Variants in ANGPTL6 observed in about 807,000 individuals in gnomAD.
The protein encoded by ANGPTL6 is angiopoietin like 6.
ANGPTL6 carries 45 observed loss-of-function variants against 47.4 expected under a neutral mutation model. The ratio of observed to expected loss-of-function variants is 0.95; its 90% CI spans 0.75 to 1.22. The LOEUF (loss-of-function observed/expected upper bound fraction) is 1.22. Among genes scored for constraint, ANGPTL6 ranks in the 50% most tolerant of loss-of-function variants. The pLI is 0.00. For missense variants in ANGPTL6, 698 were observed against 669.4 expected (o/e 1.04, Z -0.47); for synonymous variants, 290 against 295.9 (o/e 0.98, Z 0.20).
chr19:10,105,168 G>GA (rs2088787063), upstream of ANGPTL6, among the ~76,000 whole-genome samples: 1 of 152,242 alleles, frequency 6.6e-6, no homozygotes, highest in African/African-American at 2.4e-5. Context: ...GTTGAAAAAG[G>GA]AAATGGTCGT....
chr19:10,093,012 T>A, intron 5 of ANGPTL6: 1 of 490,406 alleles, frequency 2.0e-6, no homozygotes, highest in African/African-American at 1.9e-5. Flanking sequence ...GTCACATCTT[T>A]CCCACCTTTT....
chr19:10,092,825 C>G, intron 5 of ANGPTL6, 46 bp from the exon 6 acceptor site: 1 of 1,491,614 alleles, frequency 6.7e-7, no homozygotes, highest in Non-Finnish European at 9.0e-7. Flanking sequence ...GAATAAAAGC[C>G]TCTACCTGCA....
Position 10,092,461 on chromosome 19 carries a change from T to C in ANGPTL6, c.*128A>G. 1 of 1,519,086 alleles carries C rather than the reference T, an allele frequency of 6.6e-7. No homozygotes were observed. The highest frequency in any genetic ancestry group is 8.9e-7 in the Non-Finnish European group (1 of 1,127,126). The allele number at this position is 1,519,086 out of a possible 1,614,324, so 94.1% of individuals were successfully genotyped here. On this transcript the variant is annotated 3_prime_UTR_variant, in exon 6 of 6. Transcript: ENST00000253109. ...TGGGTCCCATTTTCAGCGCCCAGGG[T>C]CACAGATCCACAGTGGGAAGTTCTG...
chr19:10,093,305 T>C (rs768388090), intron 5 of ANGPTL6, 44 bp downstream of exon 5: 5 of 1,581,902 alleles, frequency 3.2e-6, no homozygotes, highest in South Asian at 1.1e-5. Context: ...AGAACAGGAG[T>C]CCCGCCTCCC....
chr19:10,094,998 C>G, intron 2 of ANGPTL6, 60 bp from the exon 3 acceptor site: 1 of 1,464,906 alleles, frequency 6.8e-7, no homozygotes. Context: ...GAGGCCTGGT[C>G]TCAGGGGCAG....
At position 10,096,402 on chromosome 19, in the gene ANGPTL6, G is replaced by C. The variant is rs572134737; in HGVS notation, c.162C>G (p.Pro54=). Reference sequence around the variant, plus strand: ...CCAGCTCGCTGGCGTTGGCGGCCTCGGGCGTCGCCCGCGTGGATGCGGGGC... The same window carrying C: ...CCAGCTCGCTGGCGTTGGCGGCCTCCGGCGTCGCCCGCGTGGATGCGGGGC... The part of the protein sequence containing the change: ...WSGPASTRAT[P]EAANASELAA... Residue 54 remains proline, a synonymous_variant, in exon 2 of 6, where the codon CCC becomes CCG. Transcript: ENST00000253109. The C allele has an allele frequency of 1.5e-6, 2 of 1,307,588 alleles. No individual in the cohort carries two copies. Among genetic ancestry groups the C allele is most frequent in the East Asian group, 3.1e-5 (1 of 32,158 alleles). The allele number at this position is 1,307,588 out of a possible 1,614,324, so 81.0% of individuals were successfully genotyped here.
chr19:10,101,827 C>T (rs1342823826), intron 1 of ANGPTL6, among the ~76,000 whole-genome samples: 1 of 124,074 alleles, frequency 8.1e-6, no homozygotes, highest in East Asian at 2.3e-4. Context: ...AAAAAAAAGG[C>T]CAGGTGCGGT....
intron 2 of ANGPTL6, 150 bp downstream of exon 2, chr19:10,095,832 C>T (rs1416180447): frequency 2.3e-6 from 1 of 442,578 alleles, no homozygotes; most frequent in East Asian, 3.5e-5. Context: ...CCACCAGTCA[C>T]TTTTTGACCC....
chr19:10,097,477 A>G (rs1599288903), intron 1 of ANGPTL6, among the ~76,000 whole-genome samples: 1 of 152,156 alleles, frequency 6.6e-6, no homozygotes, highest in South Asian at 2.1e-4. Flanking sequence ...ACAGACAAAA[A>G]TCCCTCCCCT....
chr19:10,096,931 CAA>C (rs59730305), intron 1 of ANGPTL6, among the ~76,000 whole-genome samples: 11,878 of 118,764 alleles, frequency 0.1, 466 homozygotes, highest in Non-Finnish European at 0.11. Context: ...CCTGTCTCTA[CAA>C]AAAAAAAAAA....
chr19:10,097,041 G>A (rs1213890720), intron 1 of ANGPTL6, among the ~76,000 whole-genome samples: 2 of 152,030 alleles, frequency 1.3e-5, no homozygotes, highest in Non-Finnish European at 2.9e-5. Context: ...CAAGGCTTCA[G>A]TGAGCCATGA....
In ANGPTL6 at chr19:10,092,502, C is replaced by T; in HGVS notation, c.*87G>A. The T allele has an allele frequency of 6.6e-7, 1 of 1,526,414 alleles. No homozygotes were observed. Among genetic ancestry groups the T allele is most frequent in the Non-Finnish European group, 8.8e-7 (1 of 1,130,552 alleles). The allele number at this position is 1,526,414 out of a possible 1,614,324, so 94.6% of individuals were successfully genotyped here. A position where few individuals can be genotyped will look rare whatever the true frequency, so the allele number is the denominator to read the frequency against. On this transcript the variant is annotated 3_prime_UTR_variant, in exon 6 of 6. Transcript: ENST00000253109. ...GGAAGTTCTGTGGGACACATTGGCACTGAGCCACAAAGAAGGTGTGGCCAG... is the reference window on the plus strand; with the variant it reads ...GGAAGTTCTGTGGGACACATTGGCATTGAGCCACAAAGAAGGTGTGGCCAG...
Position 10,093,335 on chromosome 19 carries a change from G to C in ANGPTL6, c.1222+14C>G. On this transcript the variant is annotated intron_variant, in intron 5 of 5. Transcript: ENST00000253109. ...CCTCCCCTATCCTCTCACCAGAATA[G>C]GAGTTCTCCTTACCAGAATAGGAGT... 1 of 1,606,500 alleles carries C rather than the reference G, an allele frequency of 6.2e-7. No homozygotes were observed. The highest frequency in any genetic ancestry group is 1.1e-5 in the South Asian group (1 of 90,814).
intron 5 of ANGPTL6, 110 bp from the exon 6 acceptor site, chr19:10,092,889 G>T: frequency 1.1e-6 from 1 of 908,222 alleles, no homozygotes; most frequent in East Asian, 2.9e-5. Flanking sequence ...CATTCTTATT[G>T]AATACAAGCC....
At chr19:10,096,667 G>C (rs2088553836) in intron 1 of ANGPTL6, 94 bp from the exon 2 acceptor site, 2 of 982,202 alleles carry the variant, frequency 2.0e-6, no homozygotes, top group Non-Finnish European at 2.8e-6. Context: ...CTACACCCGC[G>C]ATGTCCCGGG....
rs994027468 is a variant in ANGPTL6 at position 10,093,065 on chromosome 19, A to G, written c.1222+284T>C. On this transcript the variant is annotated intron_variant, in intron 5 of 5. Coordinates refer to ENST00000253109, the MANE Select transcript of ANGPTL6 (RefSeq NM_031917.3). ...ACCGTTCATTCCTTTATCAAAGAAAAGTATCTACTTCCTTTCTAGAATAAG... is the reference window on the plus strand; with the variant it reads ...ACCGTTCATTCCTTTATCAAAGAAAGGTATCTACTTCCTTTCTAGAATAAG... 22 of 490,238 alleles carry G rather than the reference A, an allele frequency of 4.5e-5. No individual in the cohort carries two copies. The South Asian group carries it at 9.4e-4, about 21-fold the overall frequency. The allele number at this position is 490,238 out of a possible 1,614,324, so 30.4% of individuals were successfully genotyped here. A position where few individuals can be genotyped will look rare whatever the true frequency, so the allele number is the denominator to read the frequency against.
chr19:10,099,889 CTT>C (rs1250522413), intron 1 of ANGPTL6, among the ~76,000 whole-genome samples: 8 of 137,022 alleles, frequency 5.8e-5, no homozygotes, highest in South Asian at 4.7e-4. Flanking sequence ...CCCACGCCCT[CTT>C]TTTTTTTTTT....
chr19:10,103,103 G>C (rs2088722024), upstream of ANGPTL6, among the ~76,000 whole-genome samples: 1 of 151,794 alleles, frequency 6.6e-6, no homozygotes, highest in Non-Finnish European at 1.5e-5. Flanking sequence ...TTTACAGCAG[G>C]GAAAACTGAG....
At position 10,093,752 on chromosome 19, in the gene ANGPTL6, C is replaced by T; in HGVS notation, c.892G>A (p.Val298Met). 6.2e-7 allele frequency: 1 copy of T among 1,614,274 alleles called. No homozygotes were observed. Among genetic ancestry groups the T allele is most frequent in the Non-Finnish European group, 8.5e-7 (1 of 1,180,048 alleles). ...GAACCATCTTGCCTCCGCTGGATCA[C>T]AGTCCAGCCTCCACCCTCCAGTTGC... ...EQQLEGGGWTVIQRRQDGSVN... is the reference protein window; with the variant it reads ...EQQLEGGGWTMIQRRQDGSVN... Residue 298 changes from valine to methionine, a missense_variant, in exon 4 of 6, where the codon GTG becomes ATG. By Grantham distance (21) the Val-to-Met change is conservative. Transcript: ENST00000253109.
Sources: allele counts gnomAD v4.1 joint callset (sites outside exome capture counted in the v4.1 genomes callset), GRCh38; gene constraint gnomAD v4.1.1; transcripts MANE v1.5; gene names NCBI Gene and HGNC (gene_info 2026-07-23, HGNC 2026-07-21).